The following PDZD2 variants were observed in gnomAD, a reference collection of about 807,000 sequenced individuals.
PDZD2 encodes PDZ domain-containing protein 2.
PDZD2 carries 90 observed loss-of-function variants against 220.7 expected under a neutral mutation model. That is an observed-to-expected ratio of 0.41 (90% CI 0.34 to 0.49). PDZD2 has a LOEUF of 0.49. Ranked by LOEUF, PDZD2 falls within the 20% of genes least tolerant of loss-of-function variation. The probability of loss-of-function intolerance (pLI) is 0.28; values close to 1 mark genes in which losing one functional copy is unlikely to be tolerated. For missense variants in PDZD2, 3,174 were observed against 3,608.5 expected (o/e 0.88, Z 3.08); for synonymous variants, 1,375 against 1,450.5 (o/e 0.95, Z 1.18).
intron 6 of PDZD2, among the ~76,000 whole-genome samples, chr5:32,024,806 A>G (rs1412946039): frequency 6.6e-6 from 1 of 152,228 alleles, no homozygotes; most frequent in Non-Finnish European, 1.5e-5. Flanking sequence ...CATAATAAGC[A>G]TTTCAGGCTT....
intron 5 of PDZD2, among the ~76,000 whole-genome samples, chr5:32,001,262 A>G (rs1021453088): frequency 3.3e-5 from 5 of 152,208 alleles, no homozygotes; most frequent in African/African-American, 9.6e-5. Context: ...AGAGAGCGGC[A>G]GCTCTTCCAG....
At chr5:31,873,980 G>A (rs1739076261) in intron 2 of PDZD2, among the ~76,000 whole-genome samples, 1 of 152,104 alleles carries the variant, frequency 6.6e-6, no homozygotes, top group Admixed American at 6.6e-5. Flanking sequence ...CGCCCACTTT[G>A]GCCTTCCAAA....
chr5:31,981,948 A>T (rs987798315), intron 2 of PDZD2, among the ~76,000 whole-genome samples: 1 of 152,196 alleles, frequency 6.6e-6, no homozygotes, highest in African/African-American at 2.4e-5. Flanking sequence ...TGGAGCAGTT[A>T]TCATGTCATG....
intron 2 of PDZD2, among the ~76,000 whole-genome samples, chr5:31,924,774 A>G (rs930900199): frequency 6.6e-6 from 1 of 152,242 alleles, no homozygotes; most frequent in Admixed American, 6.5e-5. Context: ...TTGATTTCTT[A>G]GAGCTCCCAG....
chr5:32,025,671 G>A (rs1462380286), intron 6 of PDZD2, among the ~76,000 whole-genome samples: 2 of 125,262 alleles, frequency 1.6e-5, no homozygotes, highest in African/African-American at 3.0e-5. Flanking sequence ...GCATGATCTC[G>A]GCTCACTACA....
At chr5:31,656,401 T>C (rs1377269317) in intron 1 of PDZD2, among the ~76,000 whole-genome samples, 2 of 152,238 alleles carry the variant, frequency 1.3e-5, no homozygotes, top group Non-Finnish European at 2.9e-5. Context: ...TGGAGGTGTC[T>C]TCTTTTTTCC....
At chr5:31,743,157 A>C (rs991328360) in intron 1 of PDZD2, among the ~76,000 whole-genome samples, 7 of 151,164 alleles carry the variant, frequency 4.6e-5, no homozygotes, top group Admixed American at 4.6e-4. Context: ...GTATTTTCAT[A>C]TTAGGTTATA....
At chr5:32,091,232 T>TTTA in intron 20 of PDZD2, 57 bp downstream of exon 20, 1 of 1,369,786 alleles carries the variant, frequency 7.3e-7, no homozygotes, top group Non-Finnish European at 9.8e-7. Context: ...TTGGAATAGT[T>TTTA]TTAGATTTAT....
intron 1 of PDZD2, among the ~76,000 whole-genome samples, chr5:31,741,192 T>TAC (rs3032908): frequency 0.12 from 17,306 of 150,414 alleles, 1,265 homozygotes; most frequent in East Asian, 0.36. Context: ...CAATAGTGTG[T>TAC]ACACACACAC....
At chr5:31,662,277 C>G (rs1186175891) in intron 1 of PDZD2, among the ~76,000 whole-genome samples, 1 of 152,094 alleles carries the variant, frequency 6.6e-6, no homozygotes, top group Non-Finnish European at 1.5e-5. Context: ...CGCCATTGCA[C>G]TCTAGCCTGG....
chr5:31,798,636 C>A (rs1456112851), intron 1 of PDZD2, among the ~76,000 whole-genome samples: 1 of 152,140 alleles, frequency 6.6e-6, no homozygotes, highest in Non-Finnish European at 1.5e-5. Context: ...GCCAAGTCAT[C>A]TGGTTTCTCT....
chr5:32,046,453 G>A (rs149651761), intron 7 of PDZD2, among the ~76,000 whole-genome samples: 1 of 152,252 alleles, frequency 6.6e-6, no homozygotes, highest in East Asian at 1.9e-4. Context: ...ATGTTGCCCA[G>A]TGCAGTCTCG....
intron 5 of PDZD2, among the ~76,000 whole-genome samples, chr5:32,008,893 A>G (rs1753065784): frequency 6.6e-6 from 1 of 152,152 alleles, no homozygotes; most frequent in Non-Finnish European, 1.5e-5. Flanking sequence ...TCAGTCGTGA[A>G]AGGAAGGGTG....
chr5:31,804,920 G>A (rs901376659), intron 2 of PDZD2, among the ~76,000 whole-genome samples: 4 of 152,180 alleles, frequency 2.6e-5, no homozygotes, highest in Admixed American at 6.5e-5. Flanking sequence ...CCGGTCAGGC[G>A]TGGTGGCTCA....
chr5:31,871,718 G>A (rs1304010076), intron 2 of PDZD2, among the ~76,000 whole-genome samples: 1 of 152,180 alleles, frequency 6.6e-6, no homozygotes, highest in African/African-American at 2.4e-5. Context: ...CAAAGTGCTG[G>A]GATTACAGGC....
At chr5:32,025,506 C>A (rs1754567356) in intron 6 of PDZD2, among the ~76,000 whole-genome samples, 1 of 130,752 alleles carries the variant, frequency 7.6e-6, no homozygotes, top group Admixed American at 8.1e-5. Context: ...GCCTGGACAA[C>A]AAGAGTGAAA....
At chr5:31,764,812 C>T (rs1561441149) in intron 1 of PDZD2, among the ~76,000 whole-genome samples, 1 of 152,204 alleles carries the variant, frequency 6.6e-6, no homozygotes, top group Non-Finnish European at 1.5e-5. Flanking sequence ...CACAGTGGCT[C>T]ACACCTGTTA....
At position 32,090,006 on chromosome 5, in the gene PDZD2, A is replaced by T. The variant is rs1339815082; in HGVS notation, c.6558A>T (p.Gly2186=). The stretch of plus-strand genomic sequence containing the variant: ...TTAGAAAGGCAGAATACTCCCAGGG[A>T]AAATCAAGCCTGATGTCAGACTCCC... ...TAIRKAEYSQ[G]KSSLMSDSRG... Residue 2186 remains glycine (G), a synonymous_variant, in exon 20 of 25, where the codon GGA becomes GGT. Transcript: ENST00000438447. The surrounding 1 kb of genome is among the most constrained non-coding windows in gnomAD (Gnocchi z 4.3). 3 of 1,604,892 alleles carry T rather than the reference A, an allele frequency of 1.9e-6. No individual in the cohort carries two copies. Among genetic ancestry groups the T allele is most frequent in the Non-Finnish European group, 2.6e-6 (3 of 1,175,504 alleles).
intron 2 of PDZD2, among the ~76,000 whole-genome samples, chr5:31,888,931 T>A (rs1740766494): frequency 6.6e-6 from 1 of 152,126 alleles, no homozygotes; most frequent in South Asian, 2.1e-4. Context: ...CAAGATACCC[T>A]CATGCCCAGA....
Sources: allele counts gnomAD v4.1 joint callset (sites outside exome capture counted in the v4.1 genomes callset), GRCh38; gene constraint gnomAD v4.1.1; non-coding constraint Gnocchi (gnomAD v3.1); transcripts MANE v1.5; gene names NCBI Gene and HGNC (gene_info 2026-07-23, HGNC 2026-07-21).